Variants in OSBPL7 observed in about 807,000 individuals in gnomAD.
OSBPL7 encodes the protein oxysterol binding protein like 7, also known as oxysterol-binding protein-related protein 7.
OSBPL7 carries 66 observed loss-of-function variants against 115.8 expected under a neutral mutation model. The observed-to-expected ratio is 0.57, with a 90% CI of 0.47 to 0.70. OSBPL7 has a LOEUF of 0.70. Ranked by LOEUF, OSBPL7 falls within the 30% of genes least tolerant of loss-of-function variation. The pLI is 0.00. For missense variants in OSBPL7, 902 were observed against 1,125.5 expected, an observed-to-expected ratio of 0.80 and a Z score of 2.84; for synonymous variants, 441 against 439.2, an observed-to-expected ratio of 1.00 and a Z score of -0.05.
At chr17:47,813,437 G>T in intron 15 of OSBPL7, 34 bp from the exon 16 acceptor site, 2 of 1,612,220 alleles carry the variant, frequency 1.2e-6, no homozygotes, top group Non-Finnish European at 1.7e-6. Context: ...GGGTACTGAG[G>T]ACGGGGCCGC....
chr17:47,818,707 A>G, intron 5 of OSBPL7, 91 bp from the exon 6 acceptor site: 1 of 1,134,478 alleles, frequency 8.8e-7, no homozygotes. Context: ...CCAGACAAGC[A>G]GGGTCTCTTC....
chr17:47,820,052 C>T lies in OSBPL7; in HGVS notation c.120G>A (p.Leu40=), dbSNP rs1436514410. 7 of 1,612,494 alleles carry T rather than the reference C, an allele frequency of 4.3e-6. No homozygotes were observed. The South Asian group carries it at 7.7e-5, about 18-fold the overall frequency. The change falls in exon 3 of 23, where the codon CTG becomes CTA. Residue 40 remains leucine (L), a synonymous_variant. Transcript: ENST00000007414. Reference sequence around the variant, plus strand: ...TCTCAGGCATGACACCCTCTGTCCCCAGCCTGACCCGAGGCTCCTCCACCA... The same window carrying T: ...TCTCAGGCATGACACCCTCTGTCCCTAGCCTGACCCGAGGCTCCTCCACCA... The part of the protein sequence containing the change: ...WEVVEEPRVR[L]GTEGVMPERQ...
chr17:47,814,490 A>AAC, intron 14 of OSBPL7, 31 bp downstream of exon 14: 9 of 334,268 alleles, frequency 2.7e-5, no homozygotes, highest in Non-Finnish European at 3.9e-5. Context: ...CCCGCCTCCC[A>AAC]CCCCTCCCTG....
rs376316712 is a variant in OSBPL7, at chr17:47,810,755, T to C, written c.1801+17A>G. 4 of 1,613,950 alleles carry C rather than the reference T, an allele frequency of 2.5e-6. No individual in the cohort carries two copies. On this transcript the variant is annotated intron_variant, in intron 17 of 22. Coordinates refer to ENST00000007414, the MANE Select transcript of OSBPL7 (RefSeq NM_145798.3). ...CCTTTGCCCAGGGCCACCCCGGCCC[T>C]GCCCTCTACTCCTCACCTTGCCAGA...
chr17:47,816,534 C>T lies in OSBPL7; in HGVS notation c.928+29G>A, dbSNP rs770918587. 40 of 1,594,024 alleles carry T rather than the reference C, an allele frequency of 2.5e-5. No homozygotes were observed. Among genetic ancestry groups the T allele is most frequent in the Non-Finnish European group, 3.2e-5 (38 of 1,170,230 alleles). On this transcript the variant is annotated intron_variant, in intron 10 of 22. Transcript: ENST00000007414. The surrounding 1 kb of genome is among the most constrained non-coding windows in gnomAD (Gnocchi z 5.8). ...AGTCCTCGCTCGCTCCTGTCCGCTCCCCACCAGCCCCTCCCAGCAGGCACT... is the reference window on the plus strand; with the variant it reads ...AGTCCTCGCTCGCTCCTGTCCGCTCTCCACCAGCCCCTCCCAGCAGGCACT...
rs1598009336 is a variant in OSBPL7 at position 47,808,111 on chromosome 17, T to G, written c.*180A>C. ...AGATTCTGCTTCTCACCCCAAACGG[T>G]GGGGTTGGGGGTGGGCTGAGATGCA... On this transcript the variant is annotated 3_prime_UTR_variant, in exon 23 of 23. Coordinates refer to ENST00000007414, the MANE Select transcript of OSBPL7 (RefSeq NM_145798.3). The surrounding 1 kb of genome is among the most constrained non-coding windows in gnomAD (Gnocchi z 6.1). 4 of 586,714 alleles carry G rather than the reference T, an allele frequency of 6.8e-6. No individual in the cohort carries two copies. The highest frequency in any genetic ancestry group is 6.1e-6 in the Non-Finnish European group (2 of 328,892). 36.3% of individuals were successfully genotyped at this position (586,714 alleles called of 1,614,324 possible).
chr17:47,810,895 G>T lies in OSBPL7; in HGVS notation c.1738-60C>A. 2.0e-6 allele frequency: 3 copies of T among 1,530,912 alleles called. No individual in the cohort carries two copies. The Admixed American group carries it at 5.4e-5, about 28-fold the overall frequency. The allele number at this position is 1,530,912 out of a possible 1,614,324, so 94.8% of individuals were successfully genotyped here. A position where few individuals can be genotyped will look rare whatever the true frequency, so the allele number is the denominator to read the frequency against. On this transcript the variant is annotated intron_variant, in intron 16 of 22. Transcript: ENST00000007414. ...CCGAGCACCATTAGGCTACCCCAAA[G>T]TCCCTTATTCCCACCCCTAGTTCCC... is the stretch of plus-strand genomic sequence containing the variant.
rs1343095644 is a variant in OSBPL7, at chr17:47,808,722, C to A, written c.2298-62G>T. ...CTGCAGGGGCCCCCAAACCCAAGGC[C>A]TCTGTCTCTGCCCAACTCTGTCCTC... On this transcript the variant is annotated intron_variant, in intron 21 of 22. Coordinates refer to ENST00000007414, the MANE Select transcript of OSBPL7 (RefSeq NM_145798.3). The surrounding 1 kb of genome is among the most constrained non-coding windows in gnomAD (Gnocchi z 6.1). The A allele has an allele frequency of 6.2e-7, 1 of 1,608,918 alleles. No individual in the cohort carries two copies. The highest frequency in any genetic ancestry group is 2.2e-5 in the East Asian group (1 of 44,848).
chr17:47,816,202 C>A lies in OSBPL7; in HGVS notation c.1024G>T (p.Val342Phe), dbSNP rs1231126848. The A allele has an allele frequency of 6.5e-7, 1 of 1,549,766 alleles. No homozygotes were observed. Among genetic ancestry groups the A allele is most frequent in the Non-Finnish European group, 8.7e-7 (1 of 1,146,614 alleles). Reference sequence around the variant, plus strand: ...CTCTGGCCAGTGGAGGCCTCAGAGACCTGCAGGGAGAGGGTGAGGGACACG... The same window carrying A: ...CTCTGGCCAGTGGAGGCCTCAGAGAACTGCAGGGAGAGGGTGAGGGACACG... ...HQGSELSRMGVSEASTGQRRL... is the reference protein window; with the variant it reads ...HQGSELSRMGFSEASTGQRRL... Residue 342 changes from valine to phenylalanine, a missense_variant and splice_region_variant, in exon 12 of 23, where the codon GTC becomes TTC. By Grantham distance (50) the Val-to-Phe change is conservative. This residue lies in a region of OSBPL7 where 667 missense variants were observed against 788.7 expected (regional missense o/e 0.85). Transcript: ENST00000007414. The surrounding 1 kb of genome is among the most constrained non-coding windows in gnomAD (Gnocchi z 5.8).
Position 47,808,893 on chromosome 17 carries a change from G to A in OSBPL7, c.2268C>T (p.Ser756=), listed in dbSNP as rs747764207. 6.2e-7 allele frequency: 1 copy of A among 1,614,232 alleles called. No individual in the cohort carries two copies. The highest frequency in any genetic ancestry group is 1.1e-5 in the South Asian group (1 of 91,070). ...LTAELKRSLP[S]TDTRLRPDQR... ...GGTCTGGCCGGAGTCTCGTGTCGGT[G>A]GAAGGCAGCGACCGTTTCAGCTCTG... Residue 756 remains serine, a synonymous_variant, in exon 21 of 23, where the codon TCC becomes TCT. Transcript: ENST00000007414. The surrounding 1 kb of genome is among the most constrained non-coding windows in gnomAD (Gnocchi z 6.1).
chr17:47,809,522 G>C (rs200265891), intron 18 of OSBPL7, 44 bp from the exon 19 acceptor site: 3 of 1,587,654 alleles, frequency 1.9e-6, no homozygotes, highest in Admixed American at 1.7e-5. Context: ...TGGCCCCAGG[G>C]AACAAGTGAG....
intron 16 of OSBPL7, among the ~76,000 whole-genome samples, chr17:47,811,670 T>A (rs1448599291): frequency 6.6e-6 from 1 of 152,176 alleles, no homozygotes; most frequent in Non-Finnish European, 1.5e-5. Flanking sequence ...CCTCCCACAG[T>A]CTGTGGCAGA....
intron 4 of OSBPL7, 29 bp downstream of exon 4, chr17:47,819,700 C>T (rs1207318379): frequency 1.2e-6 from 2 of 1,613,888 alleles, no homozygotes; most frequent in South Asian, 1.1e-5. Flanking sequence ...AGACTCCTCC[C>T]ACAACCCCAA....
chr17:47,818,216 G>T, intron 7 of OSBPL7, 53 bp downstream of exon 7: 1 of 1,508,696 alleles, frequency 6.6e-7, no homozygotes, highest in South Asian at 1.2e-5. Context: ...TCCCCTCCTA[G>T]ACCTGCCAGC....
chr17:47,810,219 A>G (rs2032997138), intron 18 of OSBPL7, among the ~76,000 whole-genome samples: 1 of 151,950 alleles, frequency 6.6e-6, no homozygotes, highest in Admixed American at 6.6e-5. Context: ...GAGTTTTTCA[A>G]ATTTTGTCTG....
Position 47,816,790 on chromosome 17 carries a change from G to T in OSBPL7, c.785C>A (p.Thr262Asn). Residue 262 changes from threonine to asparagine, a missense_variant, in exon 9 of 23, where the codon ACC becomes AAC. Thr to Asn is a moderately conservative substitution (Grantham distance 65). Coordinates refer to ENST00000007414, the MANE Select transcript of OSBPL7 (RefSeq NM_145798.3). This position sits in a 1 kb window ranked among gnomAD's most constrained non-coding sequence, Gnocchi z 5.8. ...WCTQSFAKDD[T>N]IGRVGRLHGS... The stretch of plus-strand genomic sequence containing the variant: ...CATGCCCGACCTCACCCGTCCAATG[G>T]TGTCATCCTTGGCAAAGCTCTGGGT... The T allele has an allele frequency of 1.2e-6, 2 of 1,614,160 alleles. No homozygotes were observed. Among genetic ancestry groups the T allele is most frequent in the African/African-American group, 1.3e-5 (1 of 75,040 alleles).
In OSBPL7 at chr17:47,816,312, C is replaced by T. The variant is rs552635155; in HGVS notation, c.1023+76G>A. ...AACCCCCCACCCTGACCCAGATCTG[C>T]TATCGGACCCCAGGCTGGCAGTCCT... On this transcript the variant is annotated intron_variant, in intron 11 of 22. Coordinates refer to ENST00000007414, the MANE Select transcript of OSBPL7 (RefSeq NM_145798.3). This position sits in a 1 kb window ranked among gnomAD's most constrained non-coding sequence, Gnocchi z 5.8. The T allele has an allele frequency of 4.0e-5, 60 of 1,485,872 alleles. No homozygotes were observed. The South Asian group carries it at 6.6e-4, about 16-fold the overall frequency. 92.0% of individuals were successfully genotyped at this position (1,485,872 alleles called of 1,614,324 possible).
At position 47,818,505 on chromosome 17, in the gene OSBPL7, C is replaced by T. The variant is rs1296224814; in HGVS notation, c.480+1G>A. The stretch of plus-strand genomic sequence containing the variant: ...TGCCCCCACCCCAGGGTCCACCTTA[C>T]CTTCCGGTGAGCAGTACTGGGCAGT... On this transcript the variant is annotated splice_donor_variant, in intron 6 of 22. Transcript: ENST00000007414. LOFTEE classifies it high-confidence loss of function. 6 of 1,596,260 alleles carry T rather than the reference C, an allele frequency of 3.8e-6. No homozygotes were observed. The highest frequency in any genetic ancestry group is 5.1e-6 in the Non-Finnish European group (6 of 1,169,790).
chr17:47,816,650 C>G lies in OSBPL7; in HGVS notation c.841G>C (p.Glu281Gln). The G allele has an allele frequency of 1.2e-6, 2 of 1,614,066 alleles. No homozygotes were observed. Among genetic ancestry groups the G allele is most frequent in the Non-Finnish European group, 1.7e-6 (2 of 1,180,034 alleles). Residue 281 changes from glutamate (E) to glutamine (Q), a missense_variant, in exon 10 of 23, where the codon GAG (glutamate) becomes CAG (glutamine). Glu to Gln is a conservative substitution (Grantham distance 29). Transcript: ENST00000007414. The surrounding 1 kb of genome is among the most constrained non-coding windows in gnomAD (Gnocchi z 5.8). ...CGGGTGCCCGAGGAGTCCCGAGACTCCAGGTAGCGAGACAGGTTGGGAACA... is the reference window on the plus strand; with the variant it reads ...CGGGTGCCCGAGGAGTCCCGAGACTGCAGGTAGCGAGACAGGTTGGGAACA... ...GSVPNLSRYL[E>Q]SRDSSGTRGL...
Sources: allele counts gnomAD v4.1 joint callset (sites outside exome capture counted in the v4.1 genomes callset), GRCh38; gene constraint gnomAD v4.1.1; regional missense constraint gnomAD v4.1.1; non-coding constraint Gnocchi (gnomAD v3.1); transcripts MANE v1.5; gene names NCBI Gene and HGNC (gene_info 2026-07-23, HGNC 2026-07-21).